TMC1: variants seen among roughly 807,000 people sequenced by gnomAD.
TMC1 encodes transmembrane channel-like protein 1.
A neutral mutation model predicts 105.8 loss-of-function variants in TMC1; 84 were observed. The ratio of observed to expected loss-of-function variants is 0.79; its 90% CI spans 0.67 to 0.95. The LOEUF is 0.95. Ranked by LOEUF, TMC1 falls within the 40% of genes least tolerant of loss-of-function variation. The pLI is 0.00. For synonymous variants in TMC1, 315 were observed against 311.5 expected, an observed-to-expected ratio of 1.01 and a Z score of -0.12; for missense variants, 817 against 914.1, an observed-to-expected ratio of 0.89 and a Z score of 1.37.
chr9:72,811,710 C>T (rs181336907), intron 18 of TMC1, among the ~76,000 whole-genome samples: 3 of 152,240 alleles, frequency 2.0e-5, no homozygotes, highest in East Asian at 1.9e-4. Flanking sequence ...ATTGCTCACT[C>T]GTAAGTGAGA....
intron 8 of TMC1, among the ~76,000 whole-genome samples, chr9:72,701,865 A>G (rs1171887151): frequency 6.6e-6 from 1 of 152,198 alleles, no homozygotes; most frequent in Non-Finnish European, 1.5e-5. Context: ...GTTTTCCCAG[A>G]AAACTTTTGC....
rs747645756 is a variant in TMC1, at chr9:72,772,468, T to C, written c.797T>C (p.Ile266Thr). 13 of 1,613,808 alleles carry C rather than the reference T, an allele frequency of 8.1e-6. No homozygotes were observed. The East Asian group carries it at 2.7e-4, about 33-fold the overall frequency. Residue 266 changes from isoleucine to threonine, a missense_variant, in exon 13 of 24, where the codon ATT becomes ACT. Transcript: ENST00000297784. ...FYGYYDNKRT[I>T]GWMNFRLPLS... ...GGCTATTATGACAATAAACGAACAATTGGATGGATGAATTTCAGGTTGCCG... is the reference window on the plus strand; with the variant it reads ...GGCTATTATGACAATAAACGAACAACTGGATGGATGAATTTCAGGTTGCCG...
chr9:72,664,673 A>G (rs1486501555), intron 5 of TMC1, among the ~76,000 whole-genome samples: 1 of 152,142 alleles, frequency 6.6e-6, no homozygotes, highest in Non-Finnish European at 1.5e-5. Context: ...GCCAAACTCC[A>G]GGGGAAGATC....
At chr9:72,667,223 T>C (rs1395365226) in intron 5 of TMC1, among the ~76,000 whole-genome samples, 2 of 152,216 alleles carry the variant, frequency 1.3e-5, no homozygotes, top group African/African-American at 4.8e-5. Context: ...TTTTGCATCC[T>C]CAGTAAGGTG....
chr9:72,666,035 C>T (rs909389999), intron 5 of TMC1, among the ~76,000 whole-genome samples: 2 of 152,054 alleles, frequency 1.3e-5, no homozygotes, highest in Non-Finnish European at 2.9e-5. Context: ...AGCAGAGCTA[C>T]CAGACTACAT....
chr9:72,716,184 G>A (rs1826915670), intron 8 of TMC1, among the ~76,000 whole-genome samples: 1 of 152,232 alleles, frequency 6.6e-6, no homozygotes, highest in Non-Finnish European at 1.5e-5. Context: ...TCTCCTGTAT[G>A]AGGTGTCTGT....
chr9:72,806,119 G>A (rs561805750), intron 18 of TMC1, among the ~76,000 whole-genome samples: 1,969 of 148,660 alleles, frequency 0.013, 38 homozygotes, highest in African/African-American at 0.045. Flanking sequence ...CAGTAGGGGC[G>A]GCCGGGCAGA....
At chr9:72,748,914 G>A (rs1044966107) in intron 10 of TMC1, among the ~76,000 whole-genome samples, 3 of 151,958 alleles carry the variant, frequency 2.0e-5, no homozygotes, top group Admixed American at 6.6e-5. Flanking sequence ...TCCTATAATC[G>A]TTCTAGTTTT....
chr9:72,793,142 G>C (rs1828304765), intron 17 of TMC1, among the ~76,000 whole-genome samples: 1 of 152,174 alleles, frequency 6.6e-6, no homozygotes, highest in Admixed American at 6.5e-5. Context: ...AGCACATGCA[G>C]AGACCCGGGA....
rs554188811 is a variant in TMC1 at position 72,533,375 on chromosome 9, A to G, written c.-428+11462A>G. On this transcript the variant is annotated intron_variant, in intron 1 of 23. Coordinates refer to ENST00000297784, the MANE Select transcript of TMC1 (RefSeq NM_138691.3). ...AGACTGGAGGATAAATTAAAGGAAAAGAGGGTATGACCCAGCAATCCACTG... is the reference window on the plus strand; with the variant it reads ...AGACTGGAGGATAAATTAAAGGAAAGGAGGGTATGACCCAGCAATCCACTG... 7.2e-5 allele frequency among the ~76,000 whole-genome samples: 11 copies of G among 152,342 alleles called. No homozygotes were observed. In the South Asian group the frequency reaches 2.3e-3, roughly 32 times the overall value.
At chr9:72,539,690 C>T (rs1049803552) in intron 1 of TMC1, among the ~76,000 whole-genome samples, 4 of 152,206 alleles carry the variant, frequency 2.6e-5, no homozygotes, top group African/African-American at 9.6e-5. Context: ...CTGTCTTCTT[C>T]TGAGCCCTCC....
At chr9:72,589,665 C>G (rs1476070751) in intron 2 of TMC1, among the ~76,000 whole-genome samples, 2 of 152,128 alleles carry the variant, frequency 1.3e-5, no homozygotes, top group Non-Finnish European at 2.9e-5. Flanking sequence ...AATGGGCCAT[C>G]CTTTTTCTGA....
intron 2 of TMC1, among the ~76,000 whole-genome samples, chr9:72,584,784 C>CTTTTTTTTTTTTTTTT (rs71357591): frequency 1.9e-4 from 22 of 112,988 alleles, no homozygotes; most frequent in Admixed American, 3.0e-4. Context: ...CTTTTCTTTT[C>CTTTTTTTTTTTTTTTT]TTTTTTTTTT....
chr9:72,621,385 T>C (rs1269237458), intron 3 of TMC1, among the ~76,000 whole-genome samples: 1 of 152,224 alleles, frequency 6.6e-6, no homozygotes, highest in Admixed American at 6.5e-5. Context: ...AGTTAGTGTC[T>C]TACAGGAGAC....
chr9:72,648,115 T>C (rs1485860581), intron 4 of TMC1, among the ~76,000 whole-genome samples: 1 of 152,254 alleles, frequency 6.6e-6, no homozygotes, highest in East Asian at 1.9e-4. Flanking sequence ...TTGATTGCTA[T>C]GTTGAATGTG....
chr9:72,590,403 G>A (rs1181040295), intron 2 of TMC1, among the ~76,000 whole-genome samples: 1 of 152,192 alleles, frequency 6.6e-6, no homozygotes, highest in Non-Finnish European at 1.5e-5. Flanking sequence ...CTTAGTCACT[G>A]AATCAGGCAG....
At chr9:72,596,697 A>G (rs1398987699) in intron 2 of TMC1, among the ~76,000 whole-genome samples, 1 of 152,228 alleles carries the variant, frequency 6.6e-6, no homozygotes, top group African/African-American at 2.4e-5. Context: ...CGTGAAAACC[A>G]AGAGTACCAT....
At chr9:72,833,362 C>G (rs1294010150) in intron 23 of TMC1, among the ~76,000 whole-genome samples, 1 of 152,190 alleles carries the variant, frequency 6.6e-6, no homozygotes, top group African/African-American at 2.4e-5. Context: ...GAGTTATACT[C>G]TCAATATATT....
chr9:72,589,952 A>G (rs924891272), intron 2 of TMC1, among the ~76,000 whole-genome samples: 8 of 152,246 alleles, frequency 5.3e-5, no homozygotes, highest in African/African-American at 1.4e-4. Context: ...AGGGTATCCA[A>G]TGTTGCCCCT....
Sources: allele counts gnomAD v4.1 joint callset (sites outside exome capture counted in the v4.1 genomes callset), GRCh38; gene constraint gnomAD v4.1.1; transcripts MANE v1.5; gene names NCBI Gene and HGNC (gene_info 2026-07-23, HGNC 2026-07-21).